The following BCAS3 variants were observed in gnomAD, a reference collection of about 807,000 sequenced individuals.
BCAS3 encodes the protein BCAS3 microtubule associated cell migration factor.
A neutral mutation model predicts 116.1 loss-of-function variants in BCAS3; 53 were observed. That is an observed-to-expected ratio of 0.46 (90% confidence interval 0.37 to 0.57). The LOEUF is 0.57. Ranked by LOEUF, BCAS3 falls within the 20% of genes least tolerant of loss-of-function variation. The probability of loss-of-function intolerance (pLI) is 0.00; values close to 1 mark genes in which losing one functional copy is unlikely to be tolerated. For missense variants in BCAS3, 917 were observed against 1,165.4 expected (o/e 0.79, Z 3.10); for synonymous variants, 391 against 408.2 (o/e 0.96, Z 0.51).
Position 61,331,228 on chromosome 17 carries a change from G to A in BCAS3, c.2426-37099G>A, listed in dbSNP as rs182150464. Among the ~76,000 whole-genome samples, 1,077 of 152,192 alleles carry A rather than the reference G, an allele frequency of 7.1e-3. 7 individuals carry two copies. The highest frequency in any genetic ancestry group is 0.017 in the Middle Eastern group (5 of 294). The stretch of plus-strand genomic sequence containing the variant: ...AAGATGGGGGCTAGAGTGGGAGGGG[G>A]GCTTTTTGGCTGGACAGTTGCCAAA... On this transcript the variant is annotated intron_variant, in intron 22 of 23. Transcript: ENST00000407086.
rs116725873 is a variant in BCAS3, at chr17:61,032,403, G to A, written c.1638-2263G>A. Among the ~76,000 whole-genome samples, 2 of 151,914 alleles carry A rather than the reference G, an allele frequency of 1.3e-5. No individual in the cohort carries two copies. The highest frequency in any genetic ancestry group is 1.9e-4 in the East Asian group (1 of 5,188). ...ATTCTACAATACTTTTCTCTTTCCC[G>A]TTCCCCCAGCCACCATCTTCCCAAA... On this transcript the variant is annotated intron_variant, in intron 16 of 23. Coordinates refer to ENST00000407086, the MANE Select transcript of BCAS3 (RefSeq NM_017679.5). The surrounding 1 kb of genome is among the most constrained non-coding windows in gnomAD (Gnocchi z 4.6).
intron 6 of BCAS3, among the ~76,000 whole-genome samples, chr17:60,787,311 C>G (rs2046363932): frequency 6.6e-6 from 1 of 152,178 alleles, no homozygotes. Context: ...CTCATCTCTA[C>G]CAGTAGCTTC....
chr17:61,221,947 T>G (rs1261590193), intron 22 of BCAS3, among the ~76,000 whole-genome samples: 3 of 152,168 alleles, frequency 2.0e-5, no homozygotes, highest in Admixed American at 1.3e-4. Context: ...GTCATAAGTT[T>G]GTTGGGGATT....
At position 61,298,819 on chromosome 17, in the gene BCAS3, TTTA is replaced by T. The variant is rs1555814151; in HGVS notation, c.2426-69490_2426-69488del. Among the ~76,000 whole-genome samples the T allele has an allele frequency of 6.1e-3, 596 of 98,082 alleles. 2 individuals are homozygous for T. Among genetic ancestry groups the T allele is most frequent in the African/African-American group, 0.011 (264 of 23,350 alleles). The allele number at this position is 98,082 out of a possible 152,430, so 64.3% of individuals were successfully genotyped here. ...ATTTATTTATTTATTTATTTATTTA[TTTA>T]TTATTATTATTATTATTTGAGATGG... On this transcript the variant is annotated intron_variant, in intron 22 of 23. Transcript: ENST00000407086.
At chr17:61,070,680 A>G (rs1187358183) in intron 19 of BCAS3, among the ~76,000 whole-genome samples, 2 of 152,068 alleles carry the variant, frequency 1.3e-5, no homozygotes, top group Non-Finnish European at 2.9e-5. Context: ...TTAAACTAGA[A>G]TGTTGGCTAT....
At chr17:61,312,799 C>A (rs1302463017) in intron 22 of BCAS3, among the ~76,000 whole-genome samples, 1 of 152,144 alleles carries the variant, frequency 6.6e-6, no homozygotes, top group Non-Finnish European at 1.5e-5. Context: ...ATTGTCAGAG[C>A]GTGAGCTTCA....
chr17:61,244,840 G>A lies in BCAS3; in HGVS notation c.2426-123487G>A, dbSNP rs1292175290. On this transcript the variant is annotated intron_variant, in intron 22 of 23. Coordinates refer to ENST00000407086, the MANE Select transcript of BCAS3 (RefSeq NM_017679.5). This position sits in a 1 kb window ranked among gnomAD's most constrained non-coding sequence, Gnocchi z 4.9. The stretch of plus-strand genomic sequence containing the variant: ...ATCGCGCCACTGTACCCCAGCCTGA[G>A]CAACAGAGTGAGACTCCGTCTCAAA... Among the ~76,000 whole-genome samples, 5 of 152,098 alleles carry A rather than the reference G, an allele frequency of 3.3e-5. No individual in the cohort carries two copies. In the South Asian group the frequency reaches 6.2e-4, roughly 19 times the overall value.
chr17:60,998,320 G>GT lies in BCAS3; in HGVS notation c.1486+8093dup, dbSNP rs1347916396. 5.3e-5 allele frequency among the ~76,000 whole-genome samples: 8 copies of GT among 152,008 alleles called. No homozygotes were observed. In the South Asian group the frequency reaches 6.2e-4, roughly 12 times the overall value. On this transcript the variant is annotated intron_variant, in intron 15 of 23. Coordinates refer to ENST00000407086, the MANE Select transcript of BCAS3 (RefSeq NM_017679.5). ...CTGCGATGAACATATAAGTGCATGT[G>GT]TTTTTTTTGTAAGAATGATTTATTT...
rs1305515340 is a variant in BCAS3 at position 61,333,613 on chromosome 17, TTC to T, written c.2426-34712_2426-34711del. 2.8e-5 allele frequency among the ~76,000 whole-genome samples: 4 copies of T among 140,864 alleles called. No individual in the cohort carries two copies. Among genetic ancestry groups the T allele is most frequent in the Admixed American group, 2.7e-4 (4 of 14,560 alleles). The allele number at this position is 140,864 out of a possible 152,430, so 92.4% of individuals were successfully genotyped here. A position where few individuals can be genotyped will look rare whatever the true frequency, so the allele number is the denominator to read the frequency against. On this transcript the variant is annotated intron_variant, in intron 22 of 23. Transcript: ENST00000407086. This position sits in a 1 kb window ranked among gnomAD's most constrained non-coding sequence, Gnocchi z 4.8. ...AGAGCTTTATCAAGTTCTTGAAACTTTCTTTTTTTTTCTTTTTTTTTTTTTGA... is the reference window on the plus strand; with the variant it reads ...AGAGCTTTATCAAGTTCTTGAAACTTTTTTTTTTTCTTTTTTTTTTTTTGA...
At chr17:61,306,863 C>A (rs2053899780) in intron 22 of BCAS3, among the ~76,000 whole-genome samples, 3 of 152,176 alleles carry the variant, frequency 2.0e-5, no homozygotes, top group Non-Finnish European at 4.4e-5. Flanking sequence ...GTACTATTAC[C>A]TTTGGATCAC....
chr17:61,078,421 C>A lies in BCAS3; in HGVS notation c.2219C>A (p.Thr740Asn), dbSNP rs1267843159. Residue 740 changes from threonine to asparagine, a missense_variant, in exon 21 of 24, where the codon ACC becomes AAC. Around this residue, in one of 3 missense-constraint regions of BCAS3, gnomAD observed 807 missense variants for 1,026.0 expected, o/e 0.79. Transcript: ENST00000407086. ...QFKTIHPSGQ[T>N]TVISSSSSVL... ...AAAACCATCCATCCCTCAGGCCAAA[C>A]CACAGTTATCTCATCCAGTTCATCT... 6.2e-7 allele frequency: 1 copy of A among 1,614,136 alleles called. No homozygotes were observed. Among genetic ancestry groups the A allele is most frequent in the South Asian group, 1.1e-5 (1 of 91,084 alleles).
chr17:61,165,958 C>T (rs2078466050), intron 22 of BCAS3, among the ~76,000 whole-genome samples: 1 of 152,126 alleles, frequency 6.6e-6, no homozygotes, highest in Non-Finnish European at 1.5e-5. Flanking sequence ...GGAAGTCAAA[C>T]TGAGGTTTTG....
At chr17:60,767,068 A>C (rs2044176123) in intron 6 of BCAS3, among the ~76,000 whole-genome samples, 1 of 152,184 alleles carries the variant, frequency 6.6e-6, no homozygotes. Context: ...CGCAGTGTTT[A>C]GGTGGCAGTG....
At chr17:60,831,334 G>A (rs1194608675) in intron 7 of BCAS3, among the ~76,000 whole-genome samples, 5 of 151,654 alleles carry the variant, frequency 3.3e-5, no homozygotes, top group East Asian at 2.0e-4. Flanking sequence ...GTGCCACCAC[G>A]CCTAGCTAAT....
At chr17:60,866,989 T>C (rs1286744037) in intron 7 of BCAS3, among the ~76,000 whole-genome samples, 1 of 152,128 alleles carries the variant, frequency 6.6e-6, no homozygotes, top group African/African-American at 2.4e-5. Context: ...TTATGTGGAA[T>C]GCATTTCCAT....
chr17:61,267,195 C>T (rs1602292795), intron 22 of BCAS3, among the ~76,000 whole-genome samples: 1 of 151,588 alleles, frequency 6.6e-6, no homozygotes, highest in East Asian at 2.0e-4. Context: ...GTAGCTGGGA[C>T]TACAGGCATC....
intron 6 of BCAS3, among the ~76,000 whole-genome samples, chr17:60,764,581 T>C (rs879386987): frequency 2.0e-5 from 3 of 152,218 alleles, no homozygotes; most frequent in Admixed American, 2.0e-4. Context: ...TGATTTCTGT[T>C]CTTCTATATT....
At chr17:60,715,132 C>CTTTTT (rs200488032) in intron 5 of BCAS3, among the ~76,000 whole-genome samples, 12 of 125,410 alleles carry the variant, frequency 9.6e-5, no homozygotes, top group African/African-American at 1.0e-4. Flanking sequence ...CTTTCTCTTT[C>CTTTTT]TTTTTTTTTT....
At chr17:60,896,207 C>T (rs1470778207) in intron 10 of BCAS3, among the ~76,000 whole-genome samples, 2 of 152,146 alleles carry the variant, frequency 1.3e-5, no homozygotes, top group Non-Finnish European at 2.9e-5. Flanking sequence ...TGCCTGTAAT[C>T]CCAGCCACTT....
Sources: gnomAD v4.1 joint callset for allele counts (sites outside exome capture counted in the v4.1 genomes callset) on GRCh38, gnomAD v4.1.1 for gene constraint, gnomAD v4.1.1 regional missense constraint, Gnocchi (gnomAD v3.1) non-coding constraint, MANE v1.5 for transcripts, NCBI Gene and HGNC (gene_info 2026-07-23, HGNC 2026-07-21) for gene names.